The following CDK19 variants were observed in gnomAD, a reference collection of about 807,000 sequenced individuals.
The protein encoded by CDK19 is cyclin-dependent kinase 19.
Under a neutral mutation model 68.3 loss-of-function variants are expected in CDK19, and 20 were observed. The observed-to-expected ratio is 0.29, with a 90% CI of 0.21 to 0.43. The LOEUF (loss-of-function observed/expected upper bound fraction) is 0.43, where lower values mean the gene tolerates loss of function less well. Ranked by LOEUF, CDK19 falls within the 20% of genes least tolerant of loss-of-function variation. CDK19 has a pLI of 1.00. For missense variants in CDK19, 339 were observed against 623.5 expected, an observed-to-expected ratio of 0.54 and a Z score of 4.86; for synonymous variants, 221 against 222.8, an observed-to-expected ratio of 0.99 and a Z score of 0.07.
Position 110,815,303 on chromosome 6 carries a change from C to T in CDK19, c.-167G>A, listed in dbSNP as rs1276777905. The T allele has an allele frequency of 7.3e-6, 5 of 688,966 alleles. No individual in the cohort carries two copies. The highest frequency in any genetic ancestry group is 1.9e-5 in the African/African-American group (1 of 52,440). The allele number at this position is 688,966 out of a possible 1,614,324, so 42.7% of individuals were successfully genotyped here. A position where few individuals can be genotyped will look rare whatever the true frequency, so the allele number is the denominator to read the frequency against. The stretch of plus-strand genomic sequence containing the variant: ...CGCGGTCCGCCTTCAGCAAGGGACT[C>T]CTCGGCGGCCACAGCAGCCACCTCC... On this transcript the variant is annotated 5_prime_UTR_variant, in exon 1 of 13. Coordinates refer to ENST00000368911, the MANE Select transcript of CDK19 (RefSeq NM_015076.5).
At chr6:110,728,536 C>T (rs1776514082) in intron 2 of CDK19, among the ~76,000 whole-genome samples, 1 of 151,542 alleles carries the variant, frequency 6.6e-6, no homozygotes, top group South Asian at 2.1e-4. Flanking sequence ...TCTCCTCTAT[C>T]TTTACTCTCA....
chr6:110,727,030 A>G (rs1776362953), intron 2 of CDK19, among the ~76,000 whole-genome samples: 1 of 152,202 alleles, frequency 6.6e-6, no homozygotes, highest in African/African-American at 2.4e-5. Flanking sequence ...TAGTTTTATT[A>G]TAGGTCAACA....
At chr6:110,775,135 C>G (rs988842375) in intron 1 of CDK19, among the ~76,000 whole-genome samples, 7 of 152,060 alleles carry the variant, frequency 4.6e-5, no homozygotes, top group African/African-American at 1.7e-4. Flanking sequence ...GTCCCAGCTA[C>G]TCGGGAGGCT....
chr6:110,745,941 C>A (rs916174927), intron 2 of CDK19, among the ~76,000 whole-genome samples, 185 bp downstream of exon 2: 13 of 152,082 alleles, frequency 8.5e-5, no homozygotes, highest in Non-Finnish European at 1.6e-4. Context: ...AAAATGAGAT[C>A]CTGTCTCAAA....
intron 5 of CDK19, among the ~76,000 whole-genome samples, chr6:110,635,884 T>G (rs188329525): frequency 7.9e-5 from 12 of 152,342 alleles, no homozygotes; most frequent in Admixed American, 2.6e-4. Context: ...ATCAAAGCAT[T>G]AGGCATAGGC....
chr6:110,711,901 G>A (rs1243304516), intron 2 of CDK19, among the ~76,000 whole-genome samples: 1 of 152,222 alleles, frequency 6.6e-6, no homozygotes, highest in Non-Finnish European at 1.5e-5. Context: ...CCAGGCTGGG[G>A]GGCGGAGGTT....
intron 4 of CDK19, 35 bp from the exon 5 acceptor site, chr6:110,638,741 T>TTTA: frequency 8.6e-7 from 1 of 1,166,510 alleles, no homozygotes; most frequent in South Asian, 1.3e-5. Context: ...AATTACCATG[T>TTTA]TTATTCTTTT....
intron 1 of CDK19, among the ~76,000 whole-genome samples, chr6:110,749,272 A>T (rs975645797): frequency 2.0e-5 from 3 of 152,366 alleles, no homozygotes; most frequent in Admixed American, 2.0e-4. Context: ...CACTCTCAGC[A>T]GTCACAATGA....
chr6:110,615,819 G>C (rs1405214759), intron 12 of CDK19, among the ~76,000 whole-genome samples: 1 of 152,092 alleles, frequency 6.6e-6, no homozygotes, highest in Admixed American at 6.5e-5. Flanking sequence ...GAGGTCAATT[G>C]GCTACTCCCC....
chr6:110,783,453 C>T (rs1780963815), intron 1 of CDK19, among the ~76,000 whole-genome samples: 1 of 151,968 alleles, frequency 6.6e-6, no homozygotes, highest in Admixed American at 6.6e-5. Flanking sequence ...GCCTGGCCAA[C>T]ATGATGAAAC....
At chr6:110,791,641 C>T (rs567019724) in intron 1 of CDK19, among the ~76,000 whole-genome samples, 3 of 152,072 alleles carry the variant, frequency 2.0e-5, no homozygotes, top group African/African-American at 7.2e-5. Flanking sequence ...CTTCTTTTTG[C>T]TTATCTTTGT....
intron 1 of CDK19, among the ~76,000 whole-genome samples, chr6:110,795,773 CAG>C (rs1461424484): frequency 2.0e-5 from 3 of 152,010 alleles, no homozygotes; most frequent in Non-Finnish European, 2.9e-5. Flanking sequence ...GTTCAACAAG[CAG>C]AGAGAGTTCA....
chr6:110,644,291 CAAA>C (rs1282326460), intron 4 of CDK19, among the ~76,000 whole-genome samples: 1 of 94,490 alleles, frequency 1.1e-5, no homozygotes, highest in African/African-American at 4.1e-5. Flanking sequence ...GACTTCATCT[CAAA>C]AAAAAAAAAA....
chr6:110,795,153 T>C (rs1184058941), intron 1 of CDK19, among the ~76,000 whole-genome samples: 1 of 152,168 alleles, frequency 6.6e-6, no homozygotes, highest in Admixed American at 6.6e-5. Flanking sequence ...GTATTTTTTG[T>C]AGAGACAGGG....
intron 2 of CDK19, among the ~76,000 whole-genome samples, chr6:110,711,127 C>A (rs1414869538): frequency 6.6e-6 from 1 of 152,062 alleles, no homozygotes; most frequent in Non-Finnish European, 1.5e-5. Flanking sequence ...AAATCCTACA[C>A]TAATAAAACC....
At chr6:110,773,285 C>A (rs1203652817) in intron 1 of CDK19, among the ~76,000 whole-genome samples, 1 of 149,268 alleles carries the variant, frequency 6.7e-6, no homozygotes, top group Non-Finnish European at 1.5e-5. Context: ...GTGGAGGTTG[C>A]AGTGAGCCAA....
chr6:110,667,830 G>C (rs1025169693), intron 3 of CDK19, among the ~76,000 whole-genome samples: 1 of 151,886 alleles, frequency 6.6e-6, no homozygotes, highest in East Asian at 1.9e-4. Flanking sequence ...AGGACCAAAA[G>C]GTAAAAAGGA....
At chr6:110,721,638 A>G (rs940162513) in intron 2 of CDK19, among the ~76,000 whole-genome samples, 11 of 152,150 alleles carry the variant, frequency 7.2e-5, no homozygotes, top group African/African-American at 2.7e-4. Flanking sequence ...GATAAGAAAA[A>G]CATGACTTGT....
intron 1 of CDK19, among the ~76,000 whole-genome samples, chr6:110,770,130 T>G (rs1298016009): frequency 6.6e-6 from 1 of 152,212 alleles, no homozygotes; most frequent in Non-Finnish European, 1.5e-5. Context: ...TGGTTCATTG[T>G]AAAATGGTGT....
Sources: gnomAD v4.1 joint callset for allele counts (sites outside exome capture counted in the v4.1 genomes callset) on GRCh38, gnomAD v4.1.1 for gene constraint, MANE v1.5 for transcripts, NCBI Gene and HGNC (gene_info 2026-07-23, HGNC 2026-07-21) for gene names.